TTN: variants seen among roughly 807,000 people sequenced by gnomAD.
TTN encodes the protein titin.
In TTN, 1,525 loss-of-function variants were observed where a neutral mutation model predicts 3,223.0. The observed-to-expected ratio is 0.47, with a 90% confidence interval of 0.45 to 0.49. TTN has a LOEUF of 0.49. Ranked by LOEUF, TTN falls within the 20% of genes least tolerant of loss-of-function variation. TTN has a pLI of 0.00. For missense variants in TTN, 40,786 were observed against 43,424.0 expected, an observed-to-expected ratio of 0.94 and a Z score of 5.40; for synonymous variants, 14,094 against 15,161.0, an observed-to-expected ratio of 0.93 and a Z score of 5.17.
Position 178,575,460 on chromosome 2 carries a change from G to A in TTN, c.70672C>T (p.His23558Tyr). Residue 23558 changes from histidine to tyrosine, a missense_variant, in exon 326 of 363, where the codon CAC becomes TAC. His to Tyr is a moderately conservative substitution (Grantham distance 83). Coordinates refer to ENST00000589042, the MANE Select transcript of TTN (RefSeq NM_001267550.2). This position sits in a 1 kb window ranked among gnomAD's most constrained non-coding sequence, Gnocchi z 4.0. ...TVSLAWPKPK[H>Y]DGGSKITGYV... ...CCAGTGATCTTGCTGCCACCATCGT[G>A]TTTGGGCTTAGGCCATGCCAGGCTG... The A allele has an allele frequency of 6.2e-7, 1 of 1,613,602 alleles. No individual in the cohort carries two copies. Among genetic ancestry groups the A allele is most frequent in the Non-Finnish European group, 8.5e-7 (1 of 1,179,648 alleles).
In TTN at chr2:178,579,771, G is replaced by T; in HGVS notation, c.67426C>A (p.His22476Asn). 6.2e-7 allele frequency: 1 copy of T among 1,613,244 alleles called. No homozygotes were observed. The highest frequency in any genetic ancestry group is 8.5e-7 in the Non-Finnish European group (1 of 1,179,508). Reference sequence around the variant, plus strand: ...ATAATCCGACTTCCACCATCACTGTGAGGCTTTTTCCAGCCAATGCTACAG... The same window carrying T: ...ATAATCCGACTTCCACCATCACTGTTAGGCTTTTTCCAGCCAATGCTACAG... ...SSCSIGWKKP[H>N]SDGGSRIIGY... The change falls in exon 319 of 363, where the codon CAC (histidine) becomes AAC (asparagine). Residue 22476 changes from histidine (H) to asparagine (N), a missense_variant. Coordinates refer to ENST00000589042, the MANE Select transcript of TTN (RefSeq NM_001267550.2).
chr2:178,560,891 A>C lies in TTN; in HGVS notation c.85241T>G (p.Leu28414Trp). 1 of 1,613,746 alleles carries C rather than the reference A, an allele frequency of 6.2e-7. No homozygotes were observed. The highest frequency in any genetic ancestry group is 8.5e-7 in the Non-Finnish European group (1 of 1,179,812). ...TCTTATACAGTCTTTAACTGTTAAC[A>C]AAGTATGATTGTCTGTTGAGATGAT... The part of the protein sequence containing the change: ...TEIISTDNHT[L>W]LTVKDCIRRD... The change falls in exon 326 of 363, where the codon TTG becomes TGG. Residue 28414 changes from leucine (L) to tryptophan (W), a missense_variant. By Grantham distance (61) the Leu-to-Trp change is moderately conservative (BLOSUM62 -2). Coordinates refer to ENST00000589042, the MANE Select transcript of TTN (RefSeq NM_001267550.2).
intron 93 of TTN, 21 bp from the exon 94 acceptor site, chr2:178,712,996 C>A (rs750558511): frequency 6.2e-7 from 1 of 1,608,200 alleles, no homozygotes; most frequent in South Asian, 1.1e-5. Flanking sequence ...AAGCACATAT[C>A]AGAAAAGGTT....
Position 178,721,045 on chromosome 2 carries a change from T to C in TTN, c.22974A>G (p.Ser7658=), listed in dbSNP as rs2078279099. Residue 7658 remains serine, a synonymous_variant, in exon 79 of 363, where the codon TCA becomes TCG. Coordinates refer to ENST00000589042, the MANE Select transcript of TTN (RefSeq NM_001267550.2). ...TAAGCAATGCCACAGAATTAATGAATGACATGTTGTATTTCCAACTTTCAT... is the reference window on the plus strand; with the variant it reads ...TAAGCAATGCCACAGAATTAATGAACGACATGTTGTATTTCCAACTTTCAT... The part of the protein sequence containing the change: ...ELHESWKYNM[S]FINSVALLTI... The C allele has an allele frequency of 4.3e-6, 7 of 1,613,388 alleles. No individual in the cohort carries two copies. The highest frequency in any genetic ancestry group is 5.9e-6 in the Non-Finnish European group (7 of 1,179,410).
At chr2:178,791,563 A>AT (rs577444128) in intron 10 of TTN, among the ~76,000 whole-genome samples, 244 of 148,276 alleles carry the variant, frequency 1.6e-3, no homozygotes, top group Non-Finnish European at 2.5e-3. Context: ...AATTGAAGGA[A>AT]TTTTTTTTTT....
intron 125 of TTN, 133 bp from the exon 126 acceptor site, chr2:178,688,911 G>C (rs2154277813): frequency 1.8e-6 from 2 of 1,132,994 alleles, no homozygotes; most frequent in Admixed American, 2.1e-5. Context: ...ATATCACAAG[G>C]ACATAAACAC....
chr2:178,709,874 G>GAT lies in TTN; in HGVS notation c.28463-20_28463-19dup. ...GAGCCGCTCTATAAGAAATTGCAAGGATATATGAAGTAGAAGCTAGAAGCA... is the reference window on the plus strand; with the variant it reads ...GAGCCGCTCTATAAGAAATTGCAAGGATATATATGAAGTAGAAGCTAGAAGCA... On this transcript the variant is annotated intron_variant, in intron 98 of 362. Coordinates refer to ENST00000589042, the MANE Select transcript of TTN (RefSeq NM_001267550.2). 6.3e-7 allele frequency: 1 copy of GAT among 1,587,528 alleles called. No homozygotes were observed. The highest frequency in any genetic ancestry group is 8.6e-7 in the Non-Finnish European group (1 of 1,165,528).
Position 178,552,636 on chromosome 2 carries a change from A to G in TTN, c.90264T>C (p.Ile30088=), listed in dbSNP as rs1238844529. 3 of 1,613,908 alleles carry G rather than the reference A, an allele frequency of 1.9e-6. No homozygotes were observed. The Admixed American group carries it at 5.0e-5, about 27-fold the overall frequency. Residue 30088 remains isoleucine, a synonymous_variant, in exon 335 of 363, where the codon ATT becomes ATC. Transcript: ENST00000589042. ...ACTGCTCCTTAAGTTGGCTAACCTCAATTTCACATGTCTTACTTATGCCAG... is the reference window on the plus strand; with the variant it reads ...ACTGCTCCTTAAGTTGGCTAACCTCGATTTCACATGTCTTACTTATGCCAG... The part of the protein sequence containing the change: ...SHAGISKTCE[I]EVSQLKEQSV...
At position 178,683,871 on chromosome 2, in the gene TTN, A is replaced by G. The variant is rs555107907; in HGVS notation, c.32806+128T>C. 58 of 584,206 alleles carry G rather than the reference A, an allele frequency of 9.9e-5. No homozygotes were observed. In the African/African-American group the frequency reaches 1.1e-3, roughly 11 times the overall value. The allele number at this position is 584,206 out of a possible 1,614,324, so 36.2% of individuals were successfully genotyped here. On this transcript the variant is annotated intron_variant, in intron 133 of 362. Coordinates refer to ENST00000589042, the MANE Select transcript of TTN (RefSeq NM_001267550.2). ...AATGTTTAGTTTTGAAGTGATATGC[A>G]TTAACAAACTTATATTGCTTACTTT...
At position 178,722,531 on chromosome 2, in the gene TTN, G is replaced by A; in HGVS notation, c.22256C>T (p.Pro7419Leu). Residue 7419 changes from proline (P) to leucine (L), a missense_variant, in exon 77 of 363, where the codon CCT (proline) becomes CTT (leucine). Pro to Leu is a moderately conservative substitution (Grantham distance 98). Transcript: ENST00000589042. ...GTCCTTTAATTGTCTTGCAAAAGAA[G>A]GTGGGAGTTGGCGCTCTGTAGGGAG... ...VFRIQERQLP[P>L]SFARQLKDIE... 1 of 1,611,866 alleles carries A rather than the reference G, an allele frequency of 6.2e-7. No homozygotes were observed. The highest frequency in any genetic ancestry group is 8.5e-7 in the Non-Finnish European group (1 of 1,178,638).
chr2:178,745,153 T>G, intron 47 of TTN: 3 of 991,980 alleles, frequency 3.0e-6, no homozygotes, highest in South Asian at 9.2e-5. Flanking sequence ...TAACTTAGAA[T>G]GGGAGCAGAG....
At position 178,616,597 on chromosome 2, in the gene TTN, C is replaced by T. The variant is rs1490446261; in HGVS notation, c.48194G>A (p.Gly16065Asp). 3.1e-6 allele frequency: 5 copies of T among 1,612,198 alleles called. No individual in the cohort carries two copies. The highest frequency in any genetic ancestry group is 4.2e-6 in the Non-Finnish European group (5 of 1,178,948). Residue 16065 changes from glycine to aspartate, a missense_variant, in exon 257 of 363, where the codon GGT (glycine) becomes GAT (aspartate). By Grantham distance (94) the Gly-to-Asp change is moderately conservative (BLOSUM62 -1). Coordinates refer to ENST00000589042, the MANE Select transcript of TTN (RefSeq NM_001267550.2). Reference protein sequence around the residue: ...RPSAPKELKFGDITKDSVHLT... With the variant: ...RPSAPKELKFDDITKDSVHLT... ...ATGTACTGAGTCCTTGGTTATATCA[C>T]CAAATTTCAATTCTTTGGGTGCACT...
In TTN at chr2:178,532,770, G is replaced by C. The variant is rs2154134580; in HGVS notation, c.103845C>G (p.Tyr34615Ter). ...VMPLPRITDQ[Y>*]RPKWRIPKLS... ...GTTTAGGAATACGCCATTTAGGTCT[G>C]TATTGATCTGTAATGCGTGGAAGAG... The change falls in exon 358 of 363, where the codon TAC (tyrosine) becomes TAG (stop). Residue 34615 changes from tyrosine to a stop codon, truncating the protein, a stop_gained. Transcript: ENST00000589042. LOFTEE classifies it high-confidence loss of function. 1 of 1,613,952 alleles carries C rather than the reference G, an allele frequency of 6.2e-7. No homozygotes were observed. Among genetic ancestry groups the C allele is most frequent in the African/African-American group, 1.3e-5 (1 of 75,046 alleles).
chr2:178,725,960 G>T lies in TTN; in HGVS notation c.20362C>A (p.Pro6788Thr), dbSNP rs2154304599. The change falls in exon 70 of 363, where the codon CCA becomes ACA. Residue 6788 changes from proline to threonine, a missense_variant. Transcript: ENST00000589042. ...TTGTACCATACCACCTCAAACGGTGGTGTTCCCGAAAGTTCACATTCAAGA... is the reference window on the plus strand; with the variant it reads ...TTGTACCATACCACCTCAAACGGTGTTGTTCCCGAAAGTTCACATTCAAGA... ...VSLECELSGT[P>T]PFEVVWYKDK... is the part of the protein sequence containing the mutation. 3.1e-6 allele frequency: 5 copies of T among 1,612,228 alleles called. No homozygotes were observed. The highest frequency in any genetic ancestry group is 4.2e-6 in the Non-Finnish European group (5 of 1,178,954).
At position 178,618,724 on chromosome 2, in the gene TTN, G is replaced by C. The variant is rs2057780227; in HGVS notation, c.46826C>G (p.Ser15609Cys). Residue 15609 changes from serine to cysteine, a missense_variant, in exon 251 of 363, where the codon TCT (serine) becomes TGT (cysteine). Coordinates refer to ENST00000589042, the MANE Select transcript of TTN (RefSeq NM_001267550.2). Reference protein sequence around the residue: ...AEWFKENEPLSTKTIDTTAEQ... With the variant: ...AEWFKENEPLCTKTIDTTAEQ... ...AGCCGTAGTATCAATGGTTTTTGTA[G>C]ATAAAGGTTCATTTTCTTTAAACCA... 1 of 1,611,952 alleles carries C rather than the reference G, an allele frequency of 6.2e-7. No homozygotes were observed. Among genetic ancestry groups the C allele is most frequent in the Non-Finnish European group, 8.5e-7 (1 of 1,178,870 alleles).
intron 208 of TTN, 107 bp from the exon 209 acceptor site, chr2:178,650,941 A>C (rs1167337817): frequency 2.5e-6 from 3 of 1,193,814 alleles, no homozygotes; most frequent in Non-Finnish European, 3.6e-6. Flanking sequence ...CAGATCCAAG[A>C]ACAAATTTCA....
chr2:178,725,625 A>C lies in TTN; in HGVS notation c.20579T>G (p.Leu6860Arg), dbSNP rs767944090. The change falls in exon 71 of 363, where the codon CTG (leucine) becomes CGG (arginine). Residue 6860 changes from leucine (L) to arginine (R), a missense_variant. Coordinates refer to ENST00000589042, the MANE Select transcript of TTN (RefSeq NM_001267550.2). ...LKEPPRFVSK[L>R]NSLTVVAGEP... ...TCCGGCTACAACAGTGAGGCTGTTC[A>C]GTTTGGAGACAAATCTTGGTGGTTC... 1.9e-6 allele frequency: 3 copies of C among 1,591,656 alleles called. No homozygotes were observed. The highest frequency in any genetic ancestry group is 2.6e-6 in the Non-Finnish European group (3 of 1,168,168).
chr2:178,547,952 A>G lies in TTN; in HGVS notation c.93674T>C (p.Ile31225Thr), dbSNP rs727505175. ...AAATGGGCTTCCTGCTTTGCAAGTT[A>G]TAAGCTGATTGGTAATTCCAGTGAG... is the stretch of plus-strand genomic sequence containing the variant. ...ADLTGITNQL[I>T]TCKAGSPFTI... Residue 31225 changes from isoleucine (I) to threonine (T), a missense_variant, in exon 339 of 363, where the codon ATA (isoleucine) becomes ACA (threonine). Coordinates refer to ENST00000589042, the MANE Select transcript of TTN (RefSeq NM_001267550.2). The G allele has an allele frequency of 5.3e-5, 86 of 1,613,640 alleles. No homozygotes were observed. The highest frequency in any genetic ancestry group is 6.9e-5 in the Non-Finnish European group (81 of 1,179,776).
intron 13 of TTN, among the ~76,000 whole-genome samples, chr2:178,786,527 T>C (rs939851263): frequency 5.3e-5 from 8 of 152,206 alleles, no homozygotes; most frequent in African/African-American, 1.7e-4. Context: ...ATTATCTTGT[T>C]GACCATTTAG....
Sources: allele counts gnomAD v4.1 joint callset (sites outside exome capture counted in the v4.1 genomes callset), GRCh38; gene constraint gnomAD v4.1.1; non-coding constraint Gnocchi (gnomAD v3.1); transcripts MANE v1.5; gene names NCBI Gene and HGNC (gene_info 2026-07-23, HGNC 2026-07-21).